TENM1: variants seen among roughly 807,000 people sequenced by gnomAD.
TENM1 encodes the protein teneurin-1.
A neutral mutation model predicts 174.8 loss-of-function variants in TENM1; 35 were observed. The observed-to-expected ratio is 0.20, with a 90% CI of 0.15 to 0.27. TENM1 has a LOEUF of 0.27. Among genes scored for constraint, TENM1 ranks in the 10% least tolerant of loss-of-function variants. The probability of loss-of-function intolerance (pLI) is 1.00; values close to 1 mark genes in which losing one functional copy is unlikely to be tolerated. For synonymous variants in TENM1, 781 were observed against 798.7 expected, an observed-to-expected ratio of 0.98 and a Z score of 0.37; for missense variants, 1,633 against 2,130.1, an observed-to-expected ratio of 0.77 and a Z score of 4.59.
At chrX:124,723,406 C>T (rs1190353149) in intron 4 of TENM1, among the ~76,000 whole-genome samples, 1 of 111,178 alleles carries the variant, frequency 9.0e-6, no homozygotes, top group Non-Finnish European at 1.9e-5. Context: ...CAGTCACCTA[C>T]GCTGGCCTTT....
chrX:124,698,543 C>A (rs2052702582), intron 5 of TENM1, among the ~76,000 whole-genome samples: 1 of 111,163 alleles, frequency 9.0e-6, no homozygotes, highest in African/African-American at 3.3e-5. Flanking sequence ...ACAAACCCAT[C>A]GTCCTGCCTG....
chrX:125,073,377 C>T, the TENM1 span, among the ~76,000 whole-genome samples: 5 of 111,063 alleles, frequency 4.5e-5, no homozygotes, highest in Admixed American at 3.9e-4. Context: ...TATGACCAAT[C>T]ATAAAATGTA....
intron 15 of TENM1, among the ~76,000 whole-genome samples, chrX:124,531,641 A>G (rs1817332200): frequency 8.9e-6 from 1 of 112,274 alleles, no homozygotes; most frequent in South Asian, 3.7e-4. Flanking sequence ...TTTTCCAGTG[A>G]GCTGTCCATT....
At position 124,737,796 on chromosome X, in the gene TENM1, C is replaced by T. The variant is rs147912235; in HGVS notation, c.536-599G>A. The stretch of plus-strand genomic sequence containing the variant: ...TAGAGTGCTACTTGTAAAAGGTAGG[C>T]TAAAAGAAGTTTGTTCAAGTTGTTA... On this transcript the variant is annotated intron_variant, in intron 3 of 31. Transcript: ENST00000422452. 2.2e-3 allele frequency among the ~76,000 whole-genome samples: 250 copies of T among 112,127 alleles called. 2 individuals carry two copies. Among genetic ancestry groups the T allele is most frequent in the Non-Finnish European group, 3.3e-3 (178 of 53,217 alleles).
At chrX:125,115,047 C>T in the TENM1 span, among the ~76,000 whole-genome samples, 1 of 111,807 alleles carries the variant, frequency 8.9e-6, no homozygotes, top group South Asian at 3.7e-4. Flanking sequence ...CCAACACTAT[C>T]AAGTTGGCTT....
chrX:124,953,372 T>C (rs149281441), intron 1 of TENM1, among the ~76,000 whole-genome samples: 77 of 111,924 alleles, frequency 6.9e-4, no homozygotes, highest in African/African-American at 2.4e-3. Flanking sequence ...CTTCACTCTT[T>C]AGGTTTAGCA....
At chrX:124,396,938 A>T (rs779993264) in intron 27 of TENM1, among the ~76,000 whole-genome samples, 1 of 111,110 alleles carries the variant, frequency 9.0e-6, no homozygotes, top group Non-Finnish European at 1.9e-5. Flanking sequence ...TTGGCAACTG[A>T]CAGGCTGTGT....
the TENM1 span, among the ~76,000 whole-genome samples, chrX:124,992,632 A>G: frequency 9.0e-6 from 1 of 111,418 alleles, no homozygotes; most frequent in East Asian, 2.8e-4. Context: ...ACCGTAGGTT[A>G]TAAGACCCTC....
At chrX:124,599,789 G>C (rs2049986447) in intron 11 of TENM1, among the ~76,000 whole-genome samples, 1 of 110,559 alleles carries the variant, frequency 9.0e-6, no homozygotes, top group Admixed American at 9.7e-5. Flanking sequence ...GTAGAAGCCA[G>C]AATGAAATAG....
In TENM1 at chrX:124,671,580, A is replaced by G. The variant is rs1011800400; in HGVS notation, c.1168+103T>C. The G allele has an allele frequency of 1.1e-5, 9 of 852,084 alleles. No individual in the cohort carries two copies. In the African/African-American group the frequency reaches 1.4e-4, roughly 14 times the overall value. The allele number at this position is 852,084 out of a possible 1,213,427, so 70.2% of individuals were successfully genotyped here. A position where few individuals can be genotyped will look rare whatever the true frequency, so the allele number is the denominator to read the frequency against. ...CTGTCCACGTAGAGGACTTCTTTCA[A>G]GTGATCATGAAATTTAATGTGAAGT... On this transcript the variant is annotated intron_variant, in intron 6 of 31. Coordinates refer to ENST00000422452, the Ensembl canonical transcript of TENM1.
the TENM1 span, among the ~76,000 whole-genome samples, chrX:124,986,999 C>A: frequency 9.0e-6 from 1 of 111,715 alleles, no homozygotes; most frequent in African/African-American, 3.3e-5. Context: ...GAATTAACTG[C>A]ATACGCCTGC....
chrX:124,601,589 G>A (rs1423944800), intron 11 of TENM1, among the ~76,000 whole-genome samples: 1 of 111,174 alleles, frequency 9.0e-6, no homozygotes, highest in Non-Finnish European at 1.9e-5. Flanking sequence ...AAGTGTCTGT[G>A]GAGAATAACA....
At chrX:124,909,539 G>A (rs776813028) in intron 1 of TENM1, among the ~76,000 whole-genome samples, 9 of 112,098 alleles carry the variant, frequency 8.0e-5, no homozygotes, top group Non-Finnish European at 1.5e-4. Context: ...ATCATTAATA[G>A]CTTATTGTTC....
chrX:125,011,365 C>G, the TENM1 span, among the ~76,000 whole-genome samples: 2 of 111,651 alleles, frequency 1.8e-5, no homozygotes, highest in Non-Finnish European at 3.8e-5. Context: ...TTCTGCACAG[C>G]AAAAGAAACT....
chrX:124,893,340 T>C (rs1202544584), intron 3 of TENM1, among the ~76,000 whole-genome samples: 1 of 112,359 alleles, frequency 8.9e-6, no homozygotes, highest in African/African-American at 3.2e-5. Flanking sequence ...TTCAACTAGA[T>C]TGTTTCTGAA....
chrX:125,199,449 C>T, the TENM1 span, among the ~76,000 whole-genome samples: 1 of 112,276 alleles, frequency 8.9e-6, no homozygotes, highest in Admixed American at 9.4e-5. Context: ...TTCCAATTAG[C>T]TTCTCCACTC....
chrX:124,689,698 T>A (rs1403649773), intron 5 of TENM1, among the ~76,000 whole-genome samples: 1 of 110,990 alleles, frequency 9.0e-6, no homozygotes, highest in African/African-American at 3.3e-5. Context: ...GCCCTCCTTA[T>A]CAGTGAGGAA....
chrX:124,482,479 C>T (rs897800095), intron 21 of TENM1, among the ~76,000 whole-genome samples: 1 of 111,375 alleles, frequency 9.0e-6, no homozygotes, highest in East Asian at 2.8e-4. Flanking sequence ...CAAGGAGTGT[C>T]GCTAAGGGAG....
At chrX:124,494,605 G>A (rs1309594073) in intron 20 of TENM1, among the ~76,000 whole-genome samples, 2 of 109,288 alleles carry the variant, frequency 1.8e-5, no homozygotes, top group Non-Finnish European at 3.8e-5. Flanking sequence ...CTGGTGCGCT[G>A]CACCCACTAA....
Sources: allele counts gnomAD v4.1 joint callset (sites outside exome capture counted in the v4.1 genomes callset), GRCh38; gene constraint gnomAD v4.1.1; transcripts MANE v1.5; gene names NCBI Gene and HGNC (gene_info 2026-07-23, HGNC 2026-07-21).